The following CREB3L2 variants were observed in gnomAD, a reference collection of about 807,000 sequenced individuals.
The protein encoded by CREB3L2 is cAMP responsive element binding protein 3 like 2.
A neutral mutation model predicts 57.2 loss-of-function variants in CREB3L2; 23 were observed. The ratio of observed to expected loss-of-function variants is 0.40; its 90% CI spans 0.29 to 0.57. CREB3L2 has a LOEUF of 0.57. CREB3L2 is among the 20% of genes least tolerant of loss of function. The pLI, the probability that CREB3L2 is intolerant of heterozygous loss-of-function variation, is 0.42. For synonymous variants in CREB3L2, 268 were observed against 265.1 expected (o/e 1.01, Z -0.11); for missense variants, 628 against 634.7 (o/e 0.99, Z 0.11).
Position 137,882,714 on chromosome 7 carries a change from G to T in CREB3L2, c.1271-86C>A, listed in dbSNP as rs186583183. On this transcript the variant is annotated intron_variant, in intron 10 of 11. Coordinates refer to ENST00000330387, the MANE Select transcript of CREB3L2 (RefSeq NM_194071.4). ...CTCACTCCAGGTGCTCAGGGCTGGT[G>T]GCAGATGACAATGTGTGTGTTCTCG... 603 of 915,196 alleles carry T rather than the reference G, an allele frequency of 6.6e-4. 3 individuals are homozygous for T. In the African/African-American group the frequency reaches 6.7e-3, roughly 10 times the overall value. The allele number at this position is 915,196 out of a possible 1,614,324, so 56.7% of individuals were successfully genotyped here.
chr7:137,901,028 C>T (rs1799742816), intron 8 of CREB3L2, among the ~76,000 whole-genome samples: 1 of 152,098 alleles, frequency 6.6e-6, no homozygotes, highest in African/African-American at 2.4e-5. Flanking sequence ...CTTCTTCAAT[C>T]CTGTATCATT....
At chr7:137,884,037 G>C (rs749096473) in intron 10 of CREB3L2, among the ~76,000 whole-genome samples, 1 of 152,210 alleles carries the variant, frequency 6.6e-6, no homozygotes, top group Non-Finnish European at 1.5e-5. Flanking sequence ...ATGGAGTCTT[G>C]CTCTGCCGCC....
At chr7:137,908,793 G>A (rs1563248032) in intron 4 of CREB3L2, among the ~76,000 whole-genome samples, 1 of 152,086 alleles carries the variant, frequency 6.6e-6, no homozygotes, top group Non-Finnish European at 1.5e-5. Flanking sequence ...GACCAACATG[G>A]CGAAACCCCA....
At chr7:137,948,148 T>C (rs150256550) in intron 1 of CREB3L2, among the ~76,000 whole-genome samples, 1 of 152,338 alleles carries the variant, frequency 6.6e-6, no homozygotes, top group East Asian at 1.9e-4. Flanking sequence ...TCTCTGCTCT[T>C]GTGTCTACCA....
intron 3 of CREB3L2, 119 bp downstream of exon 3, chr7:137,915,718 G>T (rs920162228): frequency 2.5e-6 from 2 of 785,320 alleles, no homozygotes; most frequent in Non-Finnish European, 4.1e-6. Context: ...ATATGAAGTT[G>T]CATGTCCTTA....
In CREB3L2 at chr7:137,944,028, C is replaced by T. The variant is rs558892861; in HGVS notation, c.103-15662G>A. On this transcript the variant is annotated intron_variant, in intron 1 of 11. Coordinates refer to ENST00000330387, the MANE Select transcript of CREB3L2 (RefSeq NM_194071.4). ...TGTCTCTGGCATGAAATTGTATTCT[C>T]TTCACTGTCTAAAGACCCACCAATA... Among the ~76,000 whole-genome samples, 3 of 152,292 alleles carry T rather than the reference C, an allele frequency of 2.0e-5. No individual in the cohort carries two copies. The East Asian group carries it at 5.8e-4, about 29-fold the overall frequency.
chr7:137,892,356 A>AAC (rs1799542977), intron 8 of CREB3L2, among the ~76,000 whole-genome samples: 4 of 152,006 alleles, frequency 2.6e-5, no homozygotes, highest in African/African-American at 9.7e-5. Flanking sequence ...TTAAAAAAAA[A>AAC]AAAAAACAAC....
chr7:137,964,659 C>T (rs911802674), intron 1 of CREB3L2, among the ~76,000 whole-genome samples: 7 of 152,188 alleles, frequency 4.6e-5, no homozygotes, highest in South Asian at 4.1e-4. Context: ...TGAAAACAAA[C>T]GGACTGCTTT....
chr7:137,892,850 C>T (rs1380639032), intron 8 of CREB3L2, among the ~76,000 whole-genome samples: 1 of 151,944 alleles, frequency 6.6e-6, no homozygotes, highest in Admixed American at 6.6e-5. Flanking sequence ...GGATGGAGGG[C>T]AGGGAGGTGG....
At chr7:137,901,321 A>C in intron 8 of CREB3L2, 33 bp downstream of exon 8, 11 of 1,254,904 alleles carry the variant, frequency 8.8e-6, no homozygotes, top group African/African-American at 1.5e-5. Flanking sequence ...TTCCATTGGT[A>C]GCGCAATCAG....
chr7:137,917,345 C>T (rs1043990845), intron 2 of CREB3L2, among the ~76,000 whole-genome samples: 11 of 142,836 alleles, frequency 7.7e-5, no homozygotes, highest in East Asian at 3.9e-4. Flanking sequence ...GGAAAGGAAA[C>T]GACCAGAGGG....
At chr7:137,916,153 A>C (rs1338500143) in intron 2 of CREB3L2, 141 bp from the exon 3 acceptor site, 1 of 612,694 alleles carries the variant, frequency 1.6e-6, no homozygotes, top group East Asian at 3.0e-5. Context: ...GAAATATGTG[A>C]GGGAAAAGAT....
At chr7:137,883,414 C>T (rs181055623) in intron 10 of CREB3L2, among the ~76,000 whole-genome samples, 57 of 152,044 alleles carry the variant, frequency 3.7e-4, no homozygotes, top group African/African-American at 1.3e-3. Flanking sequence ...CGGCTGAAAC[C>T]GAAGATAGAA....
At chr7:137,990,906 C>T (rs991625504) in intron 1 of CREB3L2, among the ~76,000 whole-genome samples, 1 of 151,976 alleles carries the variant, frequency 6.6e-6, no homozygotes, top group South Asian at 2.1e-4. Flanking sequence ...ATTTTTTTTT[C>T]CCCAGACTCC....
chr7:137,901,824 A>T (rs2117199995), intron 7 of CREB3L2, among the ~76,000 whole-genome samples: 1 of 142,668 alleles, frequency 7.0e-6, no homozygotes, highest in East Asian at 2.1e-4. Context: ...TGTTGCAGTG[A>T]GCCAAGATCG....
intron 8 of CREB3L2, among the ~76,000 whole-genome samples, chr7:137,897,611 C>T (rs1237388039): frequency 6.6e-6 from 1 of 152,174 alleles, no homozygotes; most frequent in Non-Finnish European, 1.5e-5. Flanking sequence ...GACCCACCTG[C>T]CTCGGCCTCC....
chr7:137,927,261 C>A lies in CREB3L2; in HGVS notation c.319+889G>T, dbSNP rs1054780673. Among the ~76,000 whole-genome samples, 235 of 114,826 alleles carry A rather than the reference C, an allele frequency of 2.0e-3. 1 individual carries two copies. Among genetic ancestry groups the A allele is most frequent in the African/African-American group, 7.0e-3 (220 of 31,282 alleles). The allele number at this position is 114,826 out of a possible 152,430, so 75.3% of individuals were successfully genotyped here. On this transcript the variant is annotated intron_variant, in intron 2 of 11. Transcript: ENST00000330387. ...AGGGAGGGAACGGAACGGAACAGAA[C>A]GGAAAGGAAAGGAAAGGAGGAAGGA...
chr7:137,883,094 A>G (rs1304707303), intron 10 of CREB3L2, among the ~76,000 whole-genome samples: 1 of 152,222 alleles, frequency 6.6e-6, no homozygotes, highest in African/African-American at 2.4e-5. Flanking sequence ...GCCATAAATC[A>G]AAGGATAGAG....
At chr7:137,933,505 T>A (rs555722591) in intron 1 of CREB3L2, among the ~76,000 whole-genome samples, 1 of 152,378 alleles carries the variant, frequency 6.6e-6, no homozygotes, top group African/African-American at 2.4e-5. Flanking sequence ...CTAACTCTGC[T>A]AACTTTCCCT....
Sources: allele counts gnomAD v4.1 joint callset (sites outside exome capture counted in the v4.1 genomes callset), GRCh38; gene constraint gnomAD v4.1.1; transcripts MANE v1.5; gene names NCBI Gene and HGNC (gene_info 2026-07-23, HGNC 2026-07-21).